Variants in ZNF623 observed in about 807,000 individuals in gnomAD.
ZNF623 encodes zinc finger protein 623.
A neutral mutation model predicts 24.0 loss-of-function variants in ZNF623; 16 were observed. The ratio of observed to expected loss-of-function variants is 0.67; its 90% CI spans 0.45 to 1.01. ZNF623 has a LOEUF of 1.01. Among genes scored for constraint, ZNF623 ranks in the 50% least tolerant of loss-of-function variants. The pLI, the probability that ZNF623 is intolerant of heterozygous loss-of-function variation, is 0.00. For missense variants in ZNF623, 566 were observed against 606.5 expected, an observed-to-expected ratio of 0.93 and a Z score of 0.70; for synonymous variants, 224 against 219.8, an observed-to-expected ratio of 1.02 and a Z score of -0.17.
At chr8:143,637,519 T>G (rs1814951992) in intron 1 of ZNF623, among the ~76,000 whole-genome samples, 1 of 150,306 alleles carries the variant, frequency 6.7e-6, no homozygotes, top group South Asian at 2.1e-4. Flanking sequence ...CATCTGCTGT[T>G]GAGACAATTT....
chr8:143,646,193 C>T (rs553019192), intron 1 of ZNF623, among the ~76,000 whole-genome samples: 1 of 152,222 alleles, frequency 6.6e-6, no homozygotes, highest in South Asian at 2.1e-4. Flanking sequence ...AGGTATGCAA[C>T]ATCACACCCA....
chr8:143,650,515 G>A lies in ZNF623; in HGVS notation c.523G>A (p.Ala175Thr), dbSNP rs1815276376. 6.2e-7 allele frequency: 1 copy of A among 1,614,150 alleles called. No homozygotes were observed. The highest frequency in any genetic ancestry group is 1.1e-5 in the South Asian group (1 of 91,076). The change falls in exon 2 of 2, where the codon GCG becomes ACG. Residue 175 changes from alanine (A) to threonine (T), a missense_variant. Ala to Thr is a moderately conservative substitution (Grantham distance 58, BLOSUM62 0). Around this residue, in one of 3 missense-constraint regions of ZNF623, gnomAD observed 313 missense variants for 300.4 expected, o/e 1.04. Transcript: ENST00000526926. This position sits in a 1 kb window ranked among gnomAD's most constrained non-coding sequence, Gnocchi z 5.2. ...KPFKCAQCGK[A>T]FCHSSDLIRH... ...CTTCAAATGTGCGCAGTGTGGGAAG[G>A]CGTTTTGTCACAGTTCAGACCTGAT... is the stretch of plus-strand genomic sequence containing the variant.
chr8:143,645,171 T>C (rs182013374), intron 1 of ZNF623, among the ~76,000 whole-genome samples: 17,178 of 141,324 alleles, frequency 0.12, 1,196 homozygotes, highest in Middle Eastern at 0.23. Context: ...CGGCCGAGCG[T>C]GGTGGCTCAT....
intron 1 of ZNF623, among the ~76,000 whole-genome samples, chr8:143,644,085 A>ATC (rs1815117844): frequency 6.6e-6 from 1 of 152,002 alleles, no homozygotes; most frequent in Non-Finnish European, 1.5e-5. Context: ...CGGTGTTGTG[A>ATC]TCTCTGCTTA....
intron 1 of ZNF623, among the ~76,000 whole-genome samples, chr8:143,646,589 A>G (rs1815182340): frequency 6.6e-6 from 1 of 151,820 alleles, no homozygotes; most frequent in Non-Finnish European, 1.5e-5. Flanking sequence ...ATATATCACA[A>G]TTCATTGATT....
At chr8:143,639,653 C>T (rs1282122712) in intron 1 of ZNF623, among the ~76,000 whole-genome samples, 4 of 152,178 alleles carry the variant, frequency 2.6e-5, no homozygotes, top group Non-Finnish European at 5.9e-5. Context: ...CCGCACCTGG[C>T]CCAGTTTGAA....
chr8:143,642,540 T>G (rs549280566), intron 1 of ZNF623, among the ~76,000 whole-genome samples: 13 of 152,366 alleles, frequency 8.5e-5, no homozygotes, highest in Admixed American at 4.6e-4. Flanking sequence ...CCCGGCTTTC[T>G]GACTGAGTTT....
chr8:143,638,948 A>G (rs1292557588), intron 1 of ZNF623, among the ~76,000 whole-genome samples: 2 of 151,984 alleles, frequency 1.3e-5, no homozygotes, highest in East Asian at 3.9e-4. Flanking sequence ...GCTGGAGTGC[A>G]ATGGCGCGAT....
intron 1 of ZNF623, among the ~76,000 whole-genome samples, chr8:143,646,755 C>T (rs1021674153): frequency 1.3e-5 from 2 of 151,978 alleles, no homozygotes; most frequent in Non-Finnish European, 2.9e-5. Context: ...GTCTCAACTT[C>T]CTGGGCTCAA....
rs772045826 is a variant in ZNF623, at chr8:143,651,989, C to T, written c.*506C>T. 17 of 168,260 alleles carry T rather than the reference C, an allele frequency of 1.0e-4. No individual in the cohort carries two copies. The Admixed American group carries it at 1.1e-3, about 11-fold the overall frequency. 10.4% of individuals were successfully genotyped at this position (168,260 alleles called of 1,614,324 possible). ...GGCCTCCTGCGTCCTGGAGCCCTGC[C>T]TCCCACTGCCTGACTTCCTGCCACA... On this transcript the variant is annotated 3_prime_UTR_variant, in exon 2 of 2. Transcript: ENST00000526926.
At chr8:143,642,172 C>T (rs2382964) in intron 1 of ZNF623, among the ~76,000 whole-genome samples, 136,933 of 152,282 alleles carry the variant, frequency 0.9, 63,226 homozygotes, top group East Asian at 1. Flanking sequence ...CAGTTTCTCC[C>T]GTAAAGCTTG....
chr8:143,649,881 G>C lies in ZNF623; in HGVS notation c.-95-17G>C. The C allele has an allele frequency of 6.3e-7, 1 of 1,599,618 alleles. No individual in the cohort carries two copies. Among genetic ancestry groups the C allele is most frequent in the South Asian group, 1.1e-5 (1 of 90,358 alleles). On this transcript the variant is annotated splice_polypyrimidine_tract_variant and intron_variant, in intron 1 of 1. Transcript: ENST00000526926. Reference sequence around the variant, plus strand: ...GTTAAGTAAGGGGAAAGATGATTTTGTTGTCTTTTGTTTCAGATTCTAATG... The same window carrying C: ...GTTAAGTAAGGGGAAAGATGATTTTCTTGTCTTTTGTTTCAGATTCTAATG...
chr8:143,645,284 A>G (rs1487313436), intron 1 of ZNF623, among the ~76,000 whole-genome samples: 2 of 152,116 alleles, frequency 1.3e-5, no homozygotes, highest in Admixed American at 6.5e-5. Flanking sequence ...TCCTAAAAAT[A>G]CAAAAAAATT....
At chr8:143,643,723 A>G (rs1815110798) in intron 1 of ZNF623, among the ~76,000 whole-genome samples, 1 of 152,226 alleles carries the variant, frequency 6.6e-6, no homozygotes, top group South Asian at 2.1e-4. Flanking sequence ...AGCTTTATGT[A>G]AATGGAGTCG....
chr8:143,650,724 C>G lies in ZNF623; in HGVS notation c.732C>G (p.Ile244Met), dbSNP rs1587334676. The stretch of plus-strand genomic sequence containing the variant: ...CGAGCCTCATTCGCCATTATCAGAT[C>G]CACACAGAAGTGAAACAGTATGAAT... ...RSSSLIRHYQ[I>M]HTEVKQYECK... The change falls in exon 2 of 2, where the codon ATC (isoleucine) becomes ATG (methionine). Residue 244 changes from isoleucine to methionine, a missense_variant. Ile to Met is a conservative substitution (Grantham distance 10). Transcript: ENST00000526926. This position sits in a 1 kb window ranked among gnomAD's most constrained non-coding sequence, Gnocchi z 5.2. 1 of 1,614,018 alleles carries G rather than the reference C, an allele frequency of 6.2e-7. No homozygotes were observed. The highest frequency in any genetic ancestry group is 2.2e-5 in the East Asian group (1 of 44,880).
intron 1 of ZNF623, among the ~76,000 whole-genome samples, chr8:143,645,177 C>G (rs1052310717): frequency 6.6e-6 from 1 of 150,480 alleles, no homozygotes; most frequent in East Asian, 2.0e-4. Context: ...AGCGTGGTGG[C>G]TCATGCCTGT....
At chr8:143,643,989 A>G (rs941754533) in intron 1 of ZNF623, among the ~76,000 whole-genome samples, 1 of 152,150 alleles carries the variant, frequency 6.6e-6, no homozygotes, top group Non-Finnish European at 1.5e-5. Flanking sequence ...GCTTGCTGCC[A>G]GTGCATCCCA....
At chr8:143,647,917 G>C (rs1815210353) in intron 1 of ZNF623, among the ~76,000 whole-genome samples, 1 of 152,188 alleles carries the variant, frequency 6.6e-6, no homozygotes, top group Non-Finnish European at 1.5e-5. Flanking sequence ...TGTGGAGTGT[G>C]AACAAAGGGA....
chr8:143,647,418 T>C (rs1267431533), intron 1 of ZNF623, among the ~76,000 whole-genome samples: 1 of 152,212 alleles, frequency 6.6e-6, no homozygotes. Flanking sequence ...CGCCTCTGCC[T>C]CCCAAAGTGC....
Sources: allele counts gnomAD v4.1 joint callset (sites outside exome capture counted in the v4.1 genomes callset), GRCh38; gene constraint gnomAD v4.1.1; regional missense constraint gnomAD v4.1.1; non-coding constraint Gnocchi (gnomAD v3.1); transcripts MANE v1.5; gene names NCBI Gene and HGNC (gene_info 2026-07-23, HGNC 2026-07-21).